The following UXS1 variants were observed in gnomAD, a reference collection of about 807,000 sequenced individuals.
UXS1 encodes the protein UDP-glucuronic acid decarboxylase 1.
UXS1 carries 33 observed loss-of-function variants against 62.6 expected under a neutral mutation model. The observed-to-expected ratio is 0.53, with a 90% confidence interval of 0.40 to 0.70. The LOEUF is 0.70. UXS1 is among the 30% of genes least tolerant of loss of function. The pLI, the probability that UXS1 is intolerant of heterozygous loss-of-function variation, is 0.00. For synonymous variants in UXS1, 213 were observed against 206.8 expected, an observed-to-expected ratio of 1.03 and a Z score of -0.26; for missense variants, 434 against 556.3, an observed-to-expected ratio of 0.78 and a Z score of 2.21.
rs547771755 is a variant in UXS1, at chr2:106,093,952, C to T, written c.*74G>A. On this transcript the variant is annotated 3_prime_UTR_variant, in exon 15 of 15. Transcript: ENST00000283148. Reference sequence around the variant, plus strand: ...ACACCTGTTAAAGTCTTTCTTTAAACGACAACAAAAAAAAGCCAAAAATAC... The same window carrying T: ...ACACCTGTTAAAGTCTTTCTTTAAATGACAACAAAAAAAAGCCAAAAATAC... 8.2e-6 allele frequency: 12 copies of T among 1,466,344 alleles called. No individual in the cohort carries two copies. The highest frequency in any genetic ancestry group is 5.5e-5 in the Admixed American group (2 of 36,184). 90.8% of individuals were successfully genotyped at this position (1,466,344 alleles called of 1,614,324 possible). A position where few individuals can be genotyped will look rare whatever the true frequency, so the allele number is the denominator to read the frequency against.
intron 9 of UXS1, among the ~76,000 whole-genome samples, chr2:106,121,494 A>C (rs1679515159): frequency 6.6e-6 from 1 of 152,242 alleles, no homozygotes; most frequent in Non-Finnish European, 1.5e-5. Context: ...CACATTCTAG[A>C]ATAAAATGCA....
At chr2:106,122,945 G>T in intron 9 of UXS1, 25 bp downstream of exon 9, 2 of 1,611,374 alleles carry the variant, frequency 1.2e-6, no homozygotes, top group East Asian at 2.2e-5. Flanking sequence ...CGCCTAAACC[G>T]CAAGCCTAGA....
At chr2:106,186,345 A>G (rs1363793977) in intron 1 of UXS1, among the ~76,000 whole-genome samples, 2 of 152,192 alleles carry the variant, frequency 1.3e-5, no homozygotes, top group Admixed American at 1.3e-4. Flanking sequence ...CCAATTAGCA[A>G]GCATTGTTAT....
chr2:106,119,892 T>C (rs1679385547), intron 9 of UXS1, among the ~76,000 whole-genome samples: 1 of 152,204 alleles, frequency 6.6e-6, no homozygotes, highest in South Asian at 2.1e-4. Flanking sequence ...CCCCTTATGT[T>C]TGTCTCTAGA....
intron 5 of UXS1, among the ~76,000 whole-genome samples, chr2:106,148,461 T>C (rs1016191148): frequency 2.0e-5 from 3 of 152,234 alleles, no homozygotes; most frequent in African/African-American, 7.2e-5. Flanking sequence ...ACTCTAACAT[T>C]ATCTCTGCAC....
In UXS1 at chr2:106,130,893, G is replaced by T. The variant is rs181674569; in HGVS notation, c.473-1115C>A. Among the ~76,000 whole-genome samples the T allele has an allele frequency of 1.9e-3, 291 of 152,276 alleles. 1 individual carries two copies. Among genetic ancestry groups the T allele is most frequent in the Admixed American group, 3.7e-3 (56 of 15,304 alleles). On this transcript the variant is annotated intron_variant, in intron 6 of 14. Coordinates refer to ENST00000283148, the MANE Select transcript of UXS1 (RefSeq NM_001253875.2). ...TTTAACATTTGAAAGCCAAGTCTGG[G>T]GGGGAGGAGCCAAGATGGCCGAATA...
intron 1 of UXS1, among the ~76,000 whole-genome samples, chr2:106,193,267 C>G (rs1685047023): frequency 6.6e-6 from 1 of 152,164 alleles, no homozygotes; most frequent in African/African-American, 2.4e-5. Context: ...GTCTGGGTGG[C>G]TAGCATTCAA....
chr2:106,154,856 A>T (rs1682309236), intron 5 of UXS1, among the ~76,000 whole-genome samples: 1 of 152,232 alleles, frequency 6.6e-6, no homozygotes, highest in Non-Finnish European at 1.5e-5. Context: ...GCTGCCATAA[A>T]GGAATACCTG....
chr2:106,110,559 C>T (rs576913789), intron 10 of UXS1, among the ~76,000 whole-genome samples: 207 of 152,216 alleles, frequency 1.4e-3, no homozygotes, highest in African/African-American at 4.6e-3. Flanking sequence ...CTAAGGGGTT[C>T]GCAGGTCACG....
At chr2:106,156,414 T>G (rs1233313535) in intron 5 of UXS1, among the ~76,000 whole-genome samples, 1 of 152,168 alleles carries the variant, frequency 6.6e-6, no homozygotes, top group Admixed American at 6.5e-5. Context: ...GTAGAGAAAC[T>G]GGAACACTCA....
chr2:106,127,257 C>G (rs1288820440), intron 7 of UXS1, among the ~76,000 whole-genome samples: 5 of 152,096 alleles, frequency 3.3e-5, no homozygotes. Context: ...GAGAAATGCC[C>G]AAGAATACAA....
At chr2:106,181,898 A>G (rs1460954003) in intron 1 of UXS1, among the ~76,000 whole-genome samples, 2 of 152,182 alleles carry the variant, frequency 1.3e-5, no homozygotes, top group African/African-American at 4.8e-5. Context: ...GGCACTTTCT[A>G]AAAGTTAAGA....
At chr2:106,112,373 T>C (rs1678690438) in intron 10 of UXS1, among the ~76,000 whole-genome samples, 2 of 151,984 alleles carry the variant, frequency 1.3e-5, no homozygotes, top group Non-Finnish European at 1.5e-5. Context: ...TCGGAGAAGG[T>C]CTTCACAGGC....
chr2:106,124,965 C>T (rs886360103), intron 8 of UXS1, among the ~76,000 whole-genome samples: 5 of 152,142 alleles, frequency 3.3e-5, no homozygotes, highest in African/African-American at 4.8e-5. Flanking sequence ...ACCTGGCTTC[C>T]GCTGTATCAG....
In UXS1 at chr2:106,121,578, G is replaced by T. The variant is rs537152593; in HGVS notation, c.759+1392C>A. Among the ~76,000 whole-genome samples, 13 of 152,278 alleles carry T rather than the reference G, an allele frequency of 8.5e-5. No homozygotes were observed. The South Asian group carries it at 2.7e-3, about 32-fold the overall frequency. ...ACAGAGTGGTCCTGTGTGTCTGGAA[G>T]ATCATCTGAAACTTTTGAGTCAAGA... On this transcript the variant is annotated intron_variant, in intron 9 of 14. Coordinates refer to ENST00000283148, the MANE Select transcript of UXS1 (RefSeq NM_001253875.2).
At chr2:106,166,946 T>C (rs1683252505) in intron 1 of UXS1, among the ~76,000 whole-genome samples, 1 of 152,188 alleles carries the variant, frequency 6.6e-6, no homozygotes, top group Admixed American at 6.5e-5. Flanking sequence ...CTCTCCCTTG[T>C]AATGATGATG....
At chr2:106,162,786 C>T (rs943578022) in intron 4 of UXS1, among the ~76,000 whole-genome samples, 1 of 152,172 alleles carries the variant, frequency 6.6e-6, no homozygotes, top group Non-Finnish European at 1.5e-5. Context: ...GGATAAGAAT[C>T]AAGTGAATGA....
intron 7 of UXS1, among the ~76,000 whole-genome samples, chr2:106,126,151 T>C (rs999945873): frequency 3.9e-5 from 6 of 152,198 alleles, no homozygotes; most frequent in Admixed American, 2.0e-4. Flanking sequence ...TTCTTCCTCC[T>C]ATGCGGTTCA....
chr2:106,143,872 C>T (rs568499919), intron 6 of UXS1, among the ~76,000 whole-genome samples: 37 of 152,324 alleles, frequency 2.4e-4, no homozygotes, highest in African/African-American at 7.5e-4. Context: ...GGTCTCCCCG[C>T]GGTATCTCTT....
Sources: allele counts gnomAD v4.1 joint callset (sites outside exome capture counted in the v4.1 genomes callset), GRCh38; gene constraint gnomAD v4.1.1; transcripts MANE v1.5; gene names NCBI Gene and HGNC (gene_info 2026-07-23, HGNC 2026-07-21).